Variants in UBR4 observed in about 807,000 individuals in gnomAD.
The protein encoded by UBR4 is E3 ubiquitin-protein ligase UBR4.
Under a neutral mutation model 575.6 loss-of-function variants are expected in UBR4, and 124 were observed. That is an observed-to-expected ratio of 0.22 (90% CI 0.19 to 0.25). The LOEUF (loss-of-function observed/expected upper bound fraction) is 0.25. UBR4 is among the 10% of genes least tolerant of loss of function. The pLI is 1.00. For missense variants in UBR4, 4,818 were observed against 6,478.8 expected (o/e 0.74, Z 8.80); for synonymous variants, 2,455 against 2,473.7 (o/e 0.99, Z 0.22).
intron 64 of UBR4, 92 bp from the exon 65 acceptor site, chr1:19,124,782 G>T: frequency 4.0e-6 from 6 of 1,502,986 alleles, no homozygotes; most frequent in Non-Finnish European, 4.5e-6. Flanking sequence ...CGTATTACAT[G>T]TTGGAGGTGG....
chr1:19,155,649 T>C lies in UBR4; in HGVS notation c.6092A>G (p.Asp2031Gly), dbSNP rs751462070. ...AAAATAGAAGGTTGGACTCAAGGCA[T>C]CAACACACAGGTCATAAATCTGCAG... is the stretch of plus-strand genomic sequence containing the variant. Reference protein sequence around the residue: ...DFVKIYDLCVDALSPTFYFLL... With the variant: ...DFVKIYDLCVGALSPTFYFLL... Residue 2031 changes from aspartate (D) to glycine (G), a missense_variant, in exon 43 of 106, where the codon GAT becomes GGT. Coordinates refer to ENST00000375254, the MANE Select transcript of UBR4 (RefSeq NM_020765.3). 19 of 1,613,964 alleles carry C rather than the reference T, an allele frequency of 1.2e-5. No individual in the cohort carries two copies. The highest frequency in any genetic ancestry group is 2.2e-5 in the East Asian group (1 of 44,888).
rs2078464526 is a variant in UBR4 at position 19,100,056 on chromosome 1, G to T, written c.13221+320C>A. On this transcript the variant is annotated intron_variant, in intron 89 of 105. Transcript: ENST00000375254. This position sits in a 1 kb window ranked among gnomAD's most constrained non-coding sequence, Gnocchi z 4.2. ...GGGGGTAAAACGCCAATATTTAGGG[G>T]GCTCAGGTAACTCAGACTCACCGAG... 9.3e-6 allele frequency: 4 copies of T among 428,276 alleles called. No homozygotes were observed. The highest frequency in any genetic ancestry group is 4.1e-5 in the Admixed American group (1 of 24,642). 26.5% of individuals were successfully genotyped at this position (428,276 alleles called of 1,614,324 possible). A position where few individuals can be genotyped will look rare whatever the true frequency, so the allele number is the denominator to read the frequency against.
At chr1:19,122,571 A>C (rs1357359719) in intron 66 of UBR4, among the ~76,000 whole-genome samples, 2 of 152,222 alleles carry the variant, frequency 1.3e-5, no homozygotes, top group African/African-American at 2.4e-5. Context: ...CACTGGTAAG[A>C]AGCTCGGGCC....
intron 60 of UBR4, among the ~76,000 whole-genome samples, chr1:19,132,605 T>TAAAAAAAAAAAAAAA: frequency 1.7e-4 from 4 of 24,092 alleles, no homozygotes; most frequent in Admixed American, 5.1e-4. Context: ...TAAAAAATGG[T>TAAAAAAAAAAAAAAA]AAAAAAAAAA....
At position 19,153,819 on chromosome 1, in the gene UBR4, T is replaced by C. The variant is rs1571198987; in HGVS notation, c.6579A>G (p.Lys2193=). The C allele has an allele frequency of 6.2e-7, 1 of 1,614,138 alleles. No homozygotes were observed. Among genetic ancestry groups the C allele is most frequent in the Non-Finnish European group, 8.5e-7 (1 of 1,180,012 alleles). Residue 2193 remains lysine (K), a synonymous_variant, in exon 45 of 106, where the codon AAA becomes AAG. Transcript: ENST00000375254. This position sits in a 1 kb window ranked among gnomAD's most constrained non-coding sequence, Gnocchi z 4.1. Reference sequence around the variant, plus strand: ...TCTCCTGGATAAGAAAAGTGTCTGGTTTCACCATAACTACCAGCGGCACCC... The same window carrying C: ...TCTCCTGGATAAGAAAAGTGTCTGGCTTCACCATAACTACCAGCGGCACCC... ...TTGVPLVVMV[K]PDTFLIQEIK... is the part of the protein sequence containing the mutation.
At chr1:19,083,592 T>C (rs938293053) in intron 102 of UBR4, among the ~76,000 whole-genome samples, 2 of 152,222 alleles carry the variant, frequency 1.3e-5, no homozygotes, top group Non-Finnish European at 2.9e-5. Context: ...TGGAGTGCAG[T>C]GGTGTGATCA....
intron 81 of UBR4, among the ~76,000 whole-genome samples, chr1:19,109,093 A>G (rs776497763): frequency 6.6e-6 from 1 of 152,218 alleles, no homozygotes. Context: ...GCTTCCCCAC[A>G]TCATAACCCT....
In UBR4 at chr1:19,081,525, T is replaced by C. The variant is rs1445668733; in HGVS notation, c.15057A>G (p.Glu5019=). The change falls in exon 103 of 106, where the codon GAA becomes GAG. Residue 5019 remains glutamate, a synonymous_variant. Transcript: ENST00000375254. ...REEKNLQGFL[E]QPKEKWVESA... is the part of the protein sequence containing the mutation. ...TCTCCACCCACTTCTCCTTGGGCTG[T>C]TCCAGAAAGCCTTGGAGGTTCTTCT... The C allele has an allele frequency of 1.9e-6, 3 of 1,613,908 alleles. No individual in the cohort carries two copies.
intron 42 of UBR4, 35 bp downstream of exon 42, chr1:19,156,236 T>C (rs769334028): frequency 6.2e-6 from 10 of 1,607,596 alleles, no homozygotes. Context: ...GTAGAAAAAT[T>C]CTAGGACCAT....
chr1:19,162,665 C>A, intron 34 of UBR4, 54 bp from the exon 35 acceptor site: 5 of 1,534,898 alleles, frequency 3.3e-6, no homozygotes, highest in Non-Finnish European at 3.5e-6. Context: ...ATTATGTAAA[C>A]CATGTTTTCT....
Position 19,110,754 on chromosome 1 carries a change from G to A in UBR4, c.11880C>T (p.Ala3960=). The A allele has an allele frequency of 6.2e-7, 1 of 1,614,164 alleles. No individual in the cohort carries two copies. The highest frequency in any genetic ancestry group is 1.1e-5 in the South Asian group (1 of 91,078). ...TAGGCCGGCTCACCAGATCGGGGTT[G>A]GCCCAGTGGCCCTTCAGGGCTGTGG... ...KVSTALKGHW[A]NPDLASSLQY... The change falls in exon 79 of 106, where the codon GCC becomes GCT. Residue 3960 remains alanine (A), a synonymous_variant. Transcript: ENST00000375254. This position sits in a 1 kb window ranked among gnomAD's most constrained non-coding sequence, Gnocchi z 4.5.
intron 91 of UBR4, 147 bp downstream of exon 91, chr1:19,097,045 CT>C: frequency 3.5e-6 from 2 of 579,526 alleles, no homozygotes; most frequent in Non-Finnish European, 2.8e-6. Context: ...ACAGACACCT[CT>C]TTTTTTCCTC....
At position 19,128,333 on chromosome 1, in the gene UBR4, C is replaced by T. The variant is rs2082041319; in HGVS notation, c.9004-15G>A. On this transcript the variant is annotated splice_polypyrimidine_tract_variant and intron_variant, in intron 61 of 105. Coordinates refer to ENST00000375254, the MANE Select transcript of UBR4 (RefSeq NM_020765.3). ...ATTAGAATGACCTAGAAGTCAAAGA[C>T]AGAAAACACAAAACCCAATTTCCTA... 6.2e-7 allele frequency: 1 copy of T among 1,607,948 alleles called. No individual in the cohort carries two copies. Among genetic ancestry groups the T allele is most frequent in the Non-Finnish European group, 8.5e-7 (1 of 1,175,714 alleles).
intron 87 of UBR4, among the ~76,000 whole-genome samples, chr1:19,103,025 A>G (rs1460588263): frequency 6.6e-6 from 1 of 152,230 alleles, no homozygotes; most frequent in African/African-American, 2.4e-5. Flanking sequence ...AGTACCCTGC[A>G]CTGCCTCACA....
chr1:19,187,616 G>A (rs939684028), intron 11 of UBR4, 76 bp from the exon 12 acceptor site: 71 of 1,473,358 alleles, frequency 4.8e-5, no homozygotes, highest in Non-Finnish European at 6.6e-5. Flanking sequence ...AGTGGATCTT[G>A]CCATTTTGGG....
Position 19,121,345 on chromosome 1 carries a change from C to T in UBR4, c.9985G>A (p.Gly3329Ser), listed in dbSNP as rs759386291. 2 of 1,614,106 alleles carry T rather than the reference C, an allele frequency of 1.2e-6. No homozygotes were observed. Among genetic ancestry groups the T allele is most frequent in the Non-Finnish European group, 8.5e-7 (1 of 1,180,002 alleles). The change falls in exon 68 of 106, where the codon GGC becomes AGC. Residue 3329 changes from glycine to serine, a missense_variant. Around this residue, in one of 29 missense-constraint regions of UBR4, gnomAD observed 550 missense variants for 791.5 expected, o/e 0.69. Transcript: ENST00000375254. ...LLQLLSCALC[G>S]SKVLAALAAS... The stretch of plus-strand genomic sequence containing the variant: ...GCCAGTGCAGCGAGCACCTTGCTGC[C>T]GCACAGAGCACAGGAGAGCAGTTGC...
intron 1 of UBR4, among the ~76,000 whole-genome samples, 171 bp downstream of exon 1, chr1:19,209,902 C>A (rs1340371097): frequency 6.6e-6 from 1 of 152,138 alleles, no homozygotes; most frequent in Non-Finnish European, 1.5e-5. Context: ...CATGCGTTGG[C>A]GGAGGGAAAC....
At position 19,161,162 on chromosome 1, in the gene UBR4, T is replaced by C. The variant is rs3748759; in HGVS notation, c.5176-15A>G. 0.46 allele frequency: 747,060 copies of C among 1,610,242 alleles called. 177,935 individuals are homozygous for C. The highest frequency in any genetic ancestry group is 0.82 in the East Asian group (36,573 of 44,776). On this transcript the variant is annotated splice_polypyrimidine_tract_variant and intron_variant, in intron 37 of 105. Coordinates refer to ENST00000375254, the MANE Select transcript of UBR4 (RefSeq NM_020765.3). Reference sequence around the variant, plus strand: ...TTCACCAGAGCCTAGGGACAGAAAATGTCAGAGTCCCTAAGTTCTTGCCTC... The same window carrying C: ...TTCACCAGAGCCTAGGGACAGAAAACGTCAGAGTCCCTAAGTTCTTGCCTC...
intron 60 of UBR4, among the ~76,000 whole-genome samples, chr1:19,135,729 C>T (rs1256698823): frequency 1.6e-4 from 24 of 152,066 alleles, no homozygotes; most frequent in Admixed American, 1.3e-3. Flanking sequence ...GATGGTCTCA[C>T]ATCTATTTAA....
Sources: allele counts gnomAD v4.1 joint callset (sites outside exome capture counted in the v4.1 genomes callset), GRCh38; gene constraint gnomAD v4.1.1; regional missense constraint gnomAD v4.1.1; non-coding constraint Gnocchi (gnomAD v3.1); transcripts MANE v1.5; gene names NCBI Gene and HGNC (gene_info 2026-07-23, HGNC 2026-07-21).